TMEM132D: variants seen among roughly 807,000 people sequenced by gnomAD.
TMEM132D encodes the protein transmembrane protein 132D, also known as mature OL transmembrane protein.
TMEM132D carries 21 observed loss-of-function variants against 62.3 expected under a neutral mutation model. That is an observed-to-expected ratio of 0.34 (90% CI 0.24 to 0.49). The LOEUF (loss-of-function observed/expected upper bound fraction) is 0.49. Ranked by LOEUF, TMEM132D falls within the 20% of genes least tolerant of loss-of-function variation. The pLI is 0.99. For synonymous variants in TMEM132D, 621 were observed against 575.6 expected (o/e 1.08, Z -1.13); for missense variants, 1,346 against 1,402.8 (o/e 0.96, Z 0.65).
chr12:129,083,332 C>T (rs1360944071), intron 6 of TMEM132D, among the ~76,000 whole-genome samples: 1 of 152,234 alleles, frequency 6.6e-6, no homozygotes, highest in Non-Finnish European at 1.5e-5. Context: ...ATCAGAACAG[C>T]AGCTGTTCCC....
chr12:129,398,290 GCC>G (rs1871492431), intron 3 of TMEM132D, among the ~76,000 whole-genome samples: 2 of 152,182 alleles, frequency 1.3e-5, no homozygotes, highest in Non-Finnish European at 2.9e-5. Context: ...TATCTTTAGT[GCC>G]TGTTTTCCTC....
At chr12:129,113,726 T>A (rs1172285550) in intron 5 of TMEM132D, among the ~76,000 whole-genome samples, 3 of 150,522 alleles carry the variant, frequency 2.0e-5, no homozygotes, top group Non-Finnish European at 4.4e-5. Context: ...AAAGTAAGTA[T>A]CAGGGGCAGA....
intron 2 of TMEM132D, among the ~76,000 whole-genome samples, chr12:129,537,645 G>C (rs1223730224): frequency 6.6e-6 from 1 of 152,140 alleles, no homozygotes; most frequent in African/African-American, 2.4e-5. Context: ...CATTTTTGCT[G>C]TCTTGCTAAC....
intron 3 of TMEM132D, among the ~76,000 whole-genome samples, chr12:129,397,820 C>T (rs1322802807): frequency 1.3e-5 from 2 of 152,178 alleles, no homozygotes; most frequent in African/African-American, 4.8e-5. Flanking sequence ...ACTGGCTGCA[C>T]TGAACTCTAC....
intron 3 of TMEM132D, among the ~76,000 whole-genome samples, chr12:129,422,417 G>C (rs1048305111): frequency 6.6e-6 from 1 of 152,168 alleles, no homozygotes; most frequent in African/African-American, 2.4e-5. Context: ...TCACAGAGGA[G>C]GAGTTGCTAA....
At chr12:129,379,927 G>A (rs1204512357) in intron 3 of TMEM132D, among the ~76,000 whole-genome samples, 1 of 152,152 alleles carries the variant, frequency 6.6e-6, no homozygotes, top group East Asian at 1.9e-4. Flanking sequence ...ACGTGGAGAG[G>A]TTGGAAATGC....
At chr12:129,636,720 G>GTC in intron 2 of TMEM132D, among the ~76,000 whole-genome samples, 1 of 124,500 alleles carries the variant, frequency 8.0e-6, no homozygotes, top group African/African-American at 3.0e-5. Context: ...GTGTGTGTGT[G>GTC]TGTGTGTGTG....
intron 4 of TMEM132D, among the ~76,000 whole-genome samples, chr12:129,214,340 A>G (rs1040378575): frequency 4.6e-5 from 7 of 152,232 alleles, no homozygotes; most frequent in South Asian, 2.1e-4. Flanking sequence ...AAGTATCAGC[A>G]TAGTCATTTA....
intron 1 of TMEM132D, among the ~76,000 whole-genome samples, chr12:129,837,772 T>A (rs1038307123): frequency 2.0e-5 from 3 of 152,146 alleles, no homozygotes; most frequent in African/African-American, 7.2e-5. Context: ...AGCTACAGCA[T>A]CACAATAGTT....
chr12:129,790,498 C>T (rs1434969039), intron 1 of TMEM132D, among the ~76,000 whole-genome samples: 1 of 152,112 alleles, frequency 6.6e-6, no homozygotes. Context: ...CGGCTGGACT[C>T]CTCTCCAAAG....
chr12:129,508,824 T>C (rs1875418644), intron 3 of TMEM132D, among the ~76,000 whole-genome samples: 1 of 152,048 alleles, frequency 6.6e-6, no homozygotes, highest in Non-Finnish European at 1.5e-5. Context: ...TTGATGAAAA[T>C]TGCAGTGTGA....
chr12:129,837,261 T>A (rs1228541610), intron 1 of TMEM132D, among the ~76,000 whole-genome samples: 1 of 152,210 alleles, frequency 6.6e-6, no homozygotes, highest in Non-Finnish European at 1.5e-5. Context: ...TGTTGACATC[T>A]CCCTAAAAGA....
intron 2 of TMEM132D, among the ~76,000 whole-genome samples, chr12:129,547,320 C>G (rs901600976): frequency 1.3e-5 from 2 of 152,134 alleles, no homozygotes; most frequent in Non-Finnish European, 2.9e-5. Context: ...GTCACTGCAG[C>G]CTCAAACTCC....
intron 1 of TMEM132D, among the ~76,000 whole-genome samples, chr12:129,861,987 A>C (rs907895728): frequency 3.3e-5 from 5 of 151,872 alleles, no homozygotes; most frequent in Non-Finnish European, 7.4e-5. Context: ...TATACCTACA[A>C]TTGCATCCAC....
At chr12:129,774,355 C>A (rs1055661398) in intron 1 of TMEM132D, among the ~76,000 whole-genome samples, 2 of 152,180 alleles carry the variant, frequency 1.3e-5, no homozygotes, top group Admixed American at 6.5e-5. Context: ...CTCAAGGTGA[C>A]CTGCCCTGGG....
intron 2 of TMEM132D, among the ~76,000 whole-genome samples, chr12:129,694,691 C>T (rs1021434568): frequency 6.6e-6 from 1 of 152,192 alleles, no homozygotes; most frequent in Non-Finnish European, 1.5e-5. Context: ...GGTTTCTGTA[C>T]ATCACTTTAC....
At chr12:129,834,348 G>A (rs942815427) in intron 1 of TMEM132D, among the ~76,000 whole-genome samples, 1 of 151,858 alleles carries the variant, frequency 6.6e-6, no homozygotes, top group South Asian at 2.1e-4. Context: ...CACCACCATC[G>A]GGCCAGCATC....
At chr12:129,583,134 A>G (rs977086610) in intron 2 of TMEM132D, among the ~76,000 whole-genome samples, 1 of 152,240 alleles carries the variant, frequency 6.6e-6, no homozygotes, top group Non-Finnish European at 1.5e-5. Flanking sequence ...TCATCTACAG[A>G]ATGAATGGGA....
intron 2 of TMEM132D, among the ~76,000 whole-genome samples, chr12:129,549,534 G>A (rs369333078): frequency 1.1e-4 from 17 of 152,318 alleles, no homozygotes; most frequent in African/African-American, 2.9e-4. Flanking sequence ...CATGTAAGAC[G>A]TGCCTTTACT....
Sources: gnomAD v4.1 joint callset for allele counts (sites outside exome capture counted in the v4.1 genomes callset) on GRCh38, gnomAD v4.1.1 for gene constraint, MANE v1.5 for transcripts, NCBI Gene and HGNC (gene_info 2026-07-23, HGNC 2026-07-21) for gene names.